Variants in INPP4B observed in about 807,000 individuals in gnomAD.
INPP4B encodes the protein inositol polyphosphate-4-phosphatase type II B.
Under a neutral mutation model 122.5 loss-of-function variants are expected in INPP4B, and 55 were observed. That is an observed-to-expected ratio of 0.45 (90% CI 0.36 to 0.56). The LOEUF (loss-of-function observed/expected upper bound fraction) is 0.56, where lower values mean the gene tolerates loss of function less well. Among genes scored for constraint, INPP4B ranks in the 20% least tolerant of loss-of-function variants. The probability of loss-of-function intolerance (pLI) is 0.00; values close to 1 mark genes in which losing one functional copy is unlikely to be tolerated. For missense variants in INPP4B, 1,000 were observed against 1,097.7 expected (o/e 0.91, Z 1.26); for synonymous variants, 403 against 388.7 (o/e 1.04, Z -0.43).
intron 11 of INPP4B, among the ~76,000 whole-genome samples, chr4:142,246,084 A>C (rs1177516652): frequency 6.8e-6 from 1 of 146,828 alleles, no homozygotes; most frequent in East Asian, 2.0e-4. Flanking sequence ...CACACATTAT[A>C]TATATGTGTG....
At chr4:142,254,318 C>CAT (rs1561636670) in intron 11 of INPP4B, among the ~76,000 whole-genome samples, 2 of 129,278 alleles carry the variant, frequency 1.5e-5, no homozygotes, top group Non-Finnish European at 3.4e-5. Flanking sequence ...CAAAGGAATG[C>CAT]AGTTCCTCAC....
Position 142,025,374 on chromosome 4 carries a change from ATGTTT to A in INPP4B, c.*3403_*3407del, listed in dbSNP as rs1161464911. Reference sequence around the variant, plus strand: ...GGTAGTAAAATAATTGGGAAGTGGTATGTTTTGATTATTACATTGGTTTTTAATGT... The same window carrying A: ...GGTAGTAAAATAATTGGGAAGTGGTATGATTATTACATTGGTTTTTAATGT... On this transcript the variant is annotated 3_prime_UTR_variant, in exon 26 of 26. Transcript: ENST00000262992. 1 of 152,192 alleles carries A rather than the reference ATGTTT, an allele frequency of 6.6e-6. No homozygotes were observed. The highest frequency in any genetic ancestry group is 2.4e-5 in the African/African-American group (1 of 41,454). The allele number at this position is 152,192 out of a possible 1,614,324, so 9.4% of individuals were successfully genotyped here. A position where few individuals can be genotyped will look rare whatever the true frequency, so the allele number is the denominator to read the frequency against.
chr4:142,741,946 A>C (rs1462820701), intron 1 of INPP4B, among the ~76,000 whole-genome samples: 2 of 151,946 alleles, frequency 1.3e-5, no homozygotes, highest in Non-Finnish European at 2.9e-5. Flanking sequence ...AAGAAGTTTC[A>C]ATTTTCCATA....
At chr4:142,159,912 T>C (rs1819248143) in intron 17 of INPP4B, among the ~76,000 whole-genome samples, 1 of 151,990 alleles carries the variant, frequency 6.6e-6, no homozygotes, top group South Asian at 2.1e-4. Flanking sequence ...ATTTGCGAGA[T>C]ATCTATGTCT....
At chr4:142,261,780 C>G (rs562486308) in intron 10 of INPP4B, among the ~76,000 whole-genome samples, 8 of 152,320 alleles carry the variant, frequency 5.3e-5, no homozygotes, top group African/African-American at 1.9e-4. Flanking sequence ...ATTCAAAACA[C>G]TGATTTAAAT....
intron 11 of INPP4B, among the ~76,000 whole-genome samples, chr4:142,249,849 T>C (rs928004622): frequency 1.3e-5 from 2 of 152,184 alleles, no homozygotes; most frequent in African/African-American, 4.8e-5. Context: ...TCCATGACTA[T>C]GTGAAAGACC....
At chr4:142,109,022 C>T (rs1336024128) in intron 22 of INPP4B, among the ~76,000 whole-genome samples, 1 of 152,134 alleles carries the variant, frequency 6.6e-6, no homozygotes, top group African/African-American at 2.4e-5. Flanking sequence ...CATTGCTAAG[C>T]ATGTCCCCAA....
At chr4:142,161,193 G>A (rs1819915604) in intron 16 of INPP4B, among the ~76,000 whole-genome samples, 1 of 151,922 alleles carries the variant, frequency 6.6e-6, no homozygotes, top group South Asian at 2.1e-4. Flanking sequence ...AATGCTTAAT[G>A]TTAATGAGGT....
At chr4:142,068,177 C>T (rs534918181) in intron 25 of INPP4B, among the ~76,000 whole-genome samples, 1 of 152,160 alleles carries the variant, frequency 6.6e-6, no homozygotes, top group Non-Finnish European at 1.5e-5. Flanking sequence ...GGCCAATATT[C>T]AACAATCTTA....
At chr4:142,799,640 T>C (rs1777754893) in intron 1 of INPP4B, among the ~76,000 whole-genome samples, 1 of 151,962 alleles carries the variant, frequency 6.6e-6, no homozygotes, top group African/African-American at 2.4e-5. Context: ...CTCATAATTC[T>C]ATAATCTGGA....
chr4:142,720,797 C>CTATATATATA (rs1170460036), intron 2 of INPP4B, among the ~76,000 whole-genome samples: 2 of 29,352 alleles, frequency 6.8e-5, no homozygotes, highest in Admixed American at 1.0e-3. Flanking sequence ...CTCTCTCTCT[C>CTATATATATA]TCTCTCTCTC....
At chr4:142,337,029 GTTT>G (rs1382782009) in intron 7 of INPP4B, among the ~76,000 whole-genome samples, 1 of 151,944 alleles carries the variant, frequency 6.6e-6, no homozygotes, top group Admixed American at 6.6e-5. Context: ...AACAGTGTGG[GTTT>G]TCTTTTTCTC....
intron 2 of INPP4B, among the ~76,000 whole-genome samples, chr4:142,568,688 C>T (rs1036103015): frequency 6.6e-6 from 1 of 152,000 alleles, no homozygotes; most frequent in African/African-American, 2.4e-5. Context: ...CATTAATAAT[C>T]CTGTTAGATA....
chr4:142,614,611 T>C (rs1426048599), intron 2 of INPP4B, among the ~76,000 whole-genome samples: 1 of 152,082 alleles, frequency 6.6e-6, no homozygotes, highest in Non-Finnish European at 1.5e-5. Context: ...ACAGGCAACC[T>C]ACAGGATTAG....
intron 25 of INPP4B, among the ~76,000 whole-genome samples, chr4:142,078,137 G>A (rs900316117): frequency 1.3e-5 from 2 of 151,648 alleles, no homozygotes; most frequent in Non-Finnish European, 2.9e-5. Flanking sequence ...GATGGTACCC[G>A]AAAGCCCCAT....
chr4:142,425,994 C>T (rs1807972014), intron 5 of INPP4B, among the ~76,000 whole-genome samples: 1 of 149,934 alleles, frequency 6.7e-6, no homozygotes, highest in Non-Finnish European at 1.5e-5. Context: ...GAATTAATTT[C>T]AAGAACATTA....
At chr4:142,123,986 T>C (rs532489666) in intron 19 of INPP4B, among the ~76,000 whole-genome samples, 45 of 152,064 alleles carry the variant, frequency 3.0e-4, no homozygotes, top group African/African-American at 1.0e-3. Context: ...AACTCAGCCA[T>C]GAGGATGGAG....
intron 2 of INPP4B, among the ~76,000 whole-genome samples, chr4:142,721,334 T>C (rs1025912192): frequency 1.3e-5 from 2 of 152,148 alleles, no homozygotes; most frequent in African/African-American, 4.8e-5. Flanking sequence ...GACTCCACTA[T>C]AGAGCAGAGT....
At chr4:142,499,934 C>G (rs1347332094) in intron 2 of INPP4B, among the ~76,000 whole-genome samples, 1 of 152,128 alleles carries the variant, frequency 6.6e-6, no homozygotes, top group South Asian at 2.1e-4. Flanking sequence ...ATACAACCGT[C>G]GCTGAAAACA....
Sources: gnomAD v4.1 joint callset for allele counts (sites outside exome capture counted in the v4.1 genomes callset) on GRCh38, gnomAD v4.1.1 for gene constraint, MANE v1.5 for transcripts, NCBI Gene and HGNC (gene_info 2026-07-23, HGNC 2026-07-21) for gene names.